The following KCNJ6 variants were observed in gnomAD, a reference collection of about 807,000 sequenced individuals.
KCNJ6 encodes potassium inwardly rectifying channel subfamily J member 6.
A neutral mutation model predicts 34.2 loss-of-function variants in KCNJ6; 9 were observed. The ratio of observed to expected loss-of-function variants is 0.26; its 90% CI spans 0.16 to 0.46. The LOEUF (loss-of-function observed/expected upper bound fraction) is 0.46, where lower values mean the gene tolerates loss of function less well. KCNJ6 is among the 20% of genes least tolerant of loss of function. The probability of loss-of-function intolerance (pLI) is 1.00; values close to 1 mark genes in which losing one functional copy is unlikely to be tolerated. For missense variants in KCNJ6, 236 were observed against 531.3 expected, an observed-to-expected ratio of 0.44 and a Z score of 5.46; for synonymous variants, 196 against 207.1, an observed-to-expected ratio of 0.95 and a Z score of 0.46.
At chr21:37,851,688 C>A (rs1360458382) in intron 1 of KCNJ6, among the ~76,000 whole-genome samples, 1 of 151,610 alleles carries the variant, frequency 6.6e-6, no homozygotes, top group East Asian at 1.9e-4. Flanking sequence ...CTTTTTTTTT[C>A]TCTATTTACA....
chr21:37,652,132 G>C (rs886706888), intron 3 of KCNJ6, among the ~76,000 whole-genome samples: 2 of 152,180 alleles, frequency 1.3e-5, no homozygotes, highest in African/African-American at 4.8e-5. Flanking sequence ...ACAGGAGGTG[G>C]AGGCTGAACA....
chr21:37,838,174 C>A (rs563070815), intron 2 of KCNJ6, among the ~76,000 whole-genome samples: 1 of 152,292 alleles, frequency 6.6e-6, no homozygotes, highest in East Asian at 1.9e-4. Context: ...TGATAGAATT[C>A]TCTTATGACA....
intron 3 of KCNJ6, among the ~76,000 whole-genome samples, chr21:37,694,893 G>A (rs1004211296): frequency 1.3e-5 from 2 of 152,180 alleles, no homozygotes; most frequent in African/African-American, 2.4e-5. Context: ...GAAAGGCCCC[G>A]TGAAGATAGA....
intron 2 of KCNJ6, among the ~76,000 whole-genome samples, chr21:37,737,218 A>G (rs2054917707): frequency 6.6e-6 from 1 of 152,190 alleles, no homozygotes; most frequent in Non-Finnish European, 1.5e-5. Context: ...TATATGTGCT[A>G]CAGGAGTACG....
intron 2 of KCNJ6, among the ~76,000 whole-genome samples, chr21:37,763,926 A>G (rs866446542): frequency 3.9e-5 from 6 of 152,228 alleles, no homozygotes; most frequent in Middle Eastern, 3.2e-3. Context: ...TGTTGTGCAC[A>G]TGTACCCTAG....
chr21:37,892,102 C>T (rs1302638234), intron 1 of KCNJ6, among the ~76,000 whole-genome samples: 1 of 152,208 alleles, frequency 6.6e-6, no homozygotes, highest in Non-Finnish European at 1.5e-5. Flanking sequence ...CCTGCTACAA[C>T]CATGTGGGAG....
At chr21:37,855,110 T>C (rs1466137466) in intron 1 of KCNJ6, among the ~76,000 whole-genome samples, 3 of 152,242 alleles carry the variant, frequency 2.0e-5, no homozygotes, top group African/African-American at 4.8e-5. Flanking sequence ...AACAAAAGAA[T>C]TGAAATCATA....
intron 2 of KCNJ6, chr21:37,717,275 C>G (rs2054796940): frequency 6.5e-6 from 1 of 153,372 alleles, no homozygotes; most frequent in South Asian, 2.0e-4. Flanking sequence ...AGAACAAATA[C>G]CAGGATAGGT....
At chr21:37,810,817 C>G (rs1395187052) in intron 2 of KCNJ6, among the ~76,000 whole-genome samples, 1 of 152,156 alleles carries the variant, frequency 6.6e-6, no homozygotes, top group Non-Finnish European at 1.5e-5. Flanking sequence ...GCTCCTTAAA[C>G]TCTTGTAATT....
At chr21:37,909,512 T>C (rs1293181390) in intron 1 of KCNJ6, among the ~76,000 whole-genome samples, 1 of 152,082 alleles carries the variant, frequency 6.6e-6, no homozygotes, top group Non-Finnish European at 1.5e-5. Flanking sequence ...ACTACAGGCA[T>C]GTGCCTCCAC....
intron 2 of KCNJ6, among the ~76,000 whole-genome samples, chr21:37,815,114 G>A (rs1201838010): frequency 2.0e-5 from 3 of 152,014 alleles, no homozygotes; most frequent in African/African-American, 7.3e-5. Context: ...CCAGAGACTG[G>A]GGAGGGTAGT....
intron 3 of KCNJ6, among the ~76,000 whole-genome samples, chr21:37,701,400 T>G (rs2054690419): frequency 6.6e-6 from 1 of 151,818 alleles, no homozygotes; most frequent in Non-Finnish European, 1.5e-5. Flanking sequence ...ACTTTTTGTG[T>G]GTGTGTGTGT....
At chr21:37,811,676 T>C (rs975179170) in intron 2 of KCNJ6, among the ~76,000 whole-genome samples, 1 of 152,128 alleles carries the variant, frequency 6.6e-6, no homozygotes, top group African/African-American at 2.4e-5. Flanking sequence ...CACTTCAAAT[T>C]TGTGAATTTT....
intron 3 of KCNJ6, among the ~76,000 whole-genome samples, chr21:37,644,836 G>A (rs754389685): frequency 2.0e-5 from 3 of 152,156 alleles, no homozygotes; most frequent in Admixed American, 6.5e-5. Flanking sequence ...TGCCTTGAGC[G>A]TGTTTTAAAT....
intron 3 of KCNJ6, among the ~76,000 whole-genome samples, chr21:37,628,744 C>T (rs2054321473): frequency 6.6e-6 from 1 of 152,114 alleles, no homozygotes; most frequent in Admixed American, 6.6e-5. Flanking sequence ...ACATCATAAT[C>T]AAACTGTTGA....
At chr21:37,754,020 G>A (rs1313398585) in intron 2 of KCNJ6, among the ~76,000 whole-genome samples, 1 of 152,228 alleles carries the variant, frequency 6.6e-6, no homozygotes, top group Non-Finnish European at 1.5e-5. Context: ...CAACATGCCT[G>A]CAGATAGTTT....
intron 2 of KCNJ6, among the ~76,000 whole-genome samples, chr21:37,773,914 G>A (rs1479084882): frequency 6.6e-6 from 1 of 152,056 alleles, no homozygotes; most frequent in Admixed American, 6.6e-5. Flanking sequence ...TTCATACCTG[G>A]GCTCTGTACT....
intron 3 of KCNJ6, among the ~76,000 whole-genome samples, chr21:37,656,915 T>A (rs1433347574): frequency 1.3e-5 from 2 of 152,204 alleles, no homozygotes; most frequent in Non-Finnish European, 2.9e-5. Context: ...GCCAGGGTAC[T>A]CAATGATGCT....
intron 2 of KCNJ6, among the ~76,000 whole-genome samples, chr21:37,808,175 T>C (rs1418453705): frequency 6.6e-6 from 1 of 152,220 alleles, no homozygotes; most frequent in African/African-American, 2.4e-5. Context: ...CCCAAATACA[T>C]TTTAACAGAA....
Sources: allele counts gnomAD v4.1 joint callset (sites outside exome capture counted in the v4.1 genomes callset), GRCh38; gene constraint gnomAD v4.1.1; transcripts MANE v1.5; gene names NCBI Gene and HGNC (gene_info 2026-07-23, HGNC 2026-07-21).